CA10: variants seen among roughly 807,000 people sequenced by gnomAD.
CA10 encodes the protein carbonic anhydrase 10 (inactive).
CA10 carries 14 observed loss-of-function variants against 44.2 expected under a neutral mutation model. That is an observed-to-expected ratio of 0.32 (90% confidence interval 0.21 to 0.50). The LOEUF (loss-of-function observed/expected upper bound fraction) is 0.50. Ranked by LOEUF, CA10 falls within the 20% of genes least tolerant of loss-of-function variation. CA10 has a pLI of 0.99. For synonymous variants in CA10, 159 were observed against 141.6 expected (o/e 1.12, Z -0.87); for missense variants, 350 against 409.7 (o/e 0.85, Z 1.26).
chr17:52,017,994 T>A (rs938384696), intron 2 of CA10, among the ~76,000 whole-genome samples: 1 of 152,126 alleles, frequency 6.6e-6, no homozygotes, highest in Non-Finnish European at 1.5e-5. Flanking sequence ...GCACAAGTTG[T>A]AAGCCTTTTC....
intron 2 of CA10, among the ~76,000 whole-genome samples, chr17:52,064,566 CTTT>C (rs5820903): frequency 4.0e-5 from 6 of 148,832 alleles, no homozygotes; most frequent in Non-Finnish European, 7.4e-5. Context: ...AATCATGAGA[CTTT>C]TTTTTTTTTT....
intron 4 of CA10, among the ~76,000 whole-genome samples, chr17:51,682,780 C>T (rs754835846): frequency 6.9e-6 from 1 of 144,632 alleles, no homozygotes; most frequent in Non-Finnish European, 1.5e-5. Context: ...AGACGGAACA[C>T]GCCCTGATAA....
intron 6 of CA10, among the ~76,000 whole-genome samples, chr17:51,646,513 T>C (rs1217275236): frequency 6.6e-6 from 1 of 151,992 alleles, no homozygotes; most frequent in Non-Finnish European, 1.5e-5. Flanking sequence ...TTGATTTCTG[T>C]CTCTCGAACA....
intron 3 of CA10, among the ~76,000 whole-genome samples, chr17:51,805,461 C>T (rs28409264): frequency 0.025 from 3,831 of 152,274 alleles, 159 homozygotes; most frequent in African/African-American, 0.086. Context: ...TGGTTCTCAG[C>T]TGTGGCTATA....
chr17:51,640,578 G>A (rs1913040296), intron 6 of CA10, among the ~76,000 whole-genome samples: 1 of 152,130 alleles, frequency 6.6e-6, no homozygotes, highest in African/African-American at 2.4e-5. Flanking sequence ...TATCTTTTAG[G>A]TATTGGGATT....
chr17:51,984,869 A>T (rs1984776216), intron 2 of CA10, among the ~76,000 whole-genome samples: 1 of 151,252 alleles, frequency 6.6e-6, no homozygotes, highest in African/African-American at 2.4e-5. Flanking sequence ...ATGGTAATTT[A>T]AAAATTACCA....
At chr17:51,734,186 G>A (rs879379274) in intron 4 of CA10, among the ~76,000 whole-genome samples, 4 of 144,384 alleles carry the variant, frequency 2.8e-5, no homozygotes, top group South Asian at 2.5e-4. Flanking sequence ...GTTGGGGGGG[G>A]GGGGTTCCAA....
chr17:51,710,921 C>CTTTTTTTTTTTT (rs55854155), intron 4 of CA10, among the ~76,000 whole-genome samples: 1 of 84,472 alleles, frequency 1.2e-5, no homozygotes, highest in Non-Finnish European at 2.1e-5. Flanking sequence ...CAACATTTTG[C>CTTTTTTTTTTTT]TTTTTTTTTT....
intron 4 of CA10, among the ~76,000 whole-genome samples, chr17:51,687,213 C>T (rs764506943): frequency 6.6e-6 from 1 of 152,170 alleles, no homozygotes; most frequent in Non-Finnish European, 1.5e-5. Context: ...TGCACCATTT[C>T]ATTTGTGTAA....
chr17:51,671,952 A>G (rs756763), intron 4 of CA10, among the ~76,000 whole-genome samples: 73,437 of 151,990 alleles, frequency 0.48, 18,394 homozygotes, highest in Admixed American at 0.57. Flanking sequence ...CATAGCCTGT[A>G]AGTAGTAAGA....
chr17:52,108,194 T>TATATATATATATATATATATATTTTA (rs1567735876), intron 1 of CA10, among the ~76,000 whole-genome samples: 1 of 58,038 alleles, frequency 1.7e-5, no homozygotes, highest in Admixed American at 1.9e-4. Flanking sequence ...TATATATTTT[T>TATATATATATATATATATATATTTTA]TATATATATA....
At chr17:51,749,015 T>A (rs999584809) in intron 3 of CA10, among the ~76,000 whole-genome samples, 1 of 152,198 alleles carries the variant, frequency 6.6e-6, no homozygotes, top group Admixed American at 6.5e-5. Context: ...GGAGGGGTCA[T>A]GACAAGTGTC....
chr17:51,941,794 A>G (rs1983086955), intron 2 of CA10, among the ~76,000 whole-genome samples: 1 of 152,196 alleles, frequency 6.6e-6, no homozygotes, highest in Admixed American at 6.5e-5. Flanking sequence ...CCAAAACAGT[A>G]TCAGGTGATG....
At chr17:51,861,831 A>C (rs889488629) in intron 3 of CA10, among the ~76,000 whole-genome samples, 6 of 152,214 alleles carry the variant, frequency 3.9e-5, no homozygotes, top group African/African-American at 1.4e-4. Flanking sequence ...TATGTATATG[A>C]CTAGACACTT....
chr17:52,026,023 T>C (rs1324026627), intron 2 of CA10, among the ~76,000 whole-genome samples: 1 of 152,052 alleles, frequency 6.6e-6, no homozygotes, highest in African/African-American at 2.4e-5. Flanking sequence ...TACACATACA[T>C]GTACACACAG....
chr17:51,880,305 A>AT (rs1000978062), intron 3 of CA10, among the ~76,000 whole-genome samples: 10 of 151,056 alleles, frequency 6.6e-5, no homozygotes, highest in South Asian at 4.2e-4. Flanking sequence ...GCAAAAAAAT[A>AT]TTTTTTTTTC....
intron 3 of CA10, among the ~76,000 whole-genome samples, chr17:51,913,640 A>AGTAGAACGCTGTT (rs112111751): frequency 6.6e-6 from 1 of 151,746 alleles, no homozygotes; most frequent in Non-Finnish European, 1.5e-5. Context: ...GCAAGAGTGG[A>AGTAGAACGCTGTT]GTGTTAGAGA....
At chr17:51,745,393 T>G (rs921644294) in intron 4 of CA10, among the ~76,000 whole-genome samples, 2 of 152,206 alleles carry the variant, frequency 1.3e-5, no homozygotes, top group African/African-American at 4.8e-5. Context: ...CATTGTGATT[T>G]GCAACCCTGC....
At chr17:51,925,837 A>G (rs923750718) in intron 3 of CA10, among the ~76,000 whole-genome samples, 1 of 152,166 alleles carries the variant, frequency 6.6e-6, no homozygotes, top group Non-Finnish European at 1.5e-5. Context: ...AGCCAGACAT[A>G]AAAAAGATAA....
Sources: gnomAD v4.1 joint callset for allele counts (sites outside exome capture counted in the v4.1 genomes callset) on GRCh38, gnomAD v4.1.1 for gene constraint, MANE v1.5 for transcripts, NCBI Gene and HGNC (gene_info 2026-07-23, HGNC 2026-07-21) for gene names.